Variants in TMIGD3 observed in about 807,000 individuals in gnomAD.
TMIGD3 encodes AD026 protein (AD026).
TMIGD3 carries 21 observed loss-of-function variants against 28.1 expected under a neutral mutation model. The observed-to-expected ratio is 0.75, with a 90% confidence interval of 0.53 to 1.08. The LOEUF is 1.08. Among genes scored for constraint, TMIGD3 ranks in the 50% least tolerant of loss-of-function variants. TMIGD3 has a pLI of 0.00. For missense variants in TMIGD3, 416 were observed against 435.6 expected, an observed-to-expected ratio of 0.96 and a Z score of 0.40; for synonymous variants, 151 against 162.1, an observed-to-expected ratio of 0.93 and a Z score of 0.52.
intron 1 of TMIGD3, among the ~76,000 whole-genome samples, chr1:111,557,334 G>A (rs1387593795): frequency 6.6e-6 from 1 of 152,108 alleles, no homozygotes; most frequent in Non-Finnish European, 1.5e-5. Context: ...AGATCACGAG[G>A]TGAGGAGATC....
intron 1 of TMIGD3, among the ~76,000 whole-genome samples, 167 bp downstream of exon 1, chr1:111,502,838 T>C (rs1473644661): frequency 6.6e-6 from 1 of 151,996 alleles, no homozygotes; most frequent in Non-Finnish European, 1.5e-5. Flanking sequence ...TCCCAGCCCA[T>C]TGTTGCTAAC....
chr1:111,528,184 T>C (rs1350342915), intron 1 of TMIGD3, among the ~76,000 whole-genome samples: 2 of 152,220 alleles, frequency 1.3e-5, no homozygotes, highest in African/African-American at 4.8e-5. Flanking sequence ...TTGTGAGAGA[T>C]GTAAGGTCTG....
At position 111,503,041 on chromosome 1, in the gene TMIGD3, G is replaced by A. The variant is rs767595515; in HGVS notation, c.314C>T (p.Ala105Val). The change falls in exon 1 of 6, where the codon GCT becomes GTT. Residue 105 changes from alanine (A) to valine (V), a missense_variant. Physicochemically the swap from Ala to Val is moderately conservative, Grantham distance 64. Coordinates refer to ENST00000369716, the MANE Select transcript of TMIGD3 (RefSeq NM_020683.7). ...HASIMSLLAI[A>V]VDRYLRVKLT... ...CTTGACCCGCAAGTATCGGTCCACA[G>A]CGATGGCCAGCAAGGACATGATGGA... 6.8e-6 allele frequency: 11 copies of A among 1,614,200 alleles called. No individual in the cohort carries two copies. The highest frequency in any genetic ancestry group is 9.3e-6 in the Non-Finnish European group (11 of 1,180,034).
At chr1:111,491,376 A>G (rs1042380790) in intron 1 of TMIGD3, among the ~76,000 whole-genome samples, 6 of 152,262 alleles carry the variant, frequency 3.9e-5, no homozygotes, top group Non-Finnish European at 8.8e-5. Flanking sequence ...AGATTCATCT[A>G]TGCAGCAGCA....
chr1:111,500,758 A>T (rs1158549662), intron 1 of TMIGD3: 1 of 584,162 alleles, frequency 1.7e-6, no homozygotes, highest in African/African-American at 1.9e-5. Context: ...AGATGAGCAG[A>T]CAACGATTGG....
intron 1 of TMIGD3, among the ~76,000 whole-genome samples, chr1:111,560,056 C>G (rs547998387): frequency 1.3e-5 from 2 of 152,286 alleles, no homozygotes; most frequent in East Asian, 3.9e-4. Context: ...ATTCAACACT[C>G]TTTTACTGAG....
chr1:111,561,706 G>A lies in TMIGD3; in HGVS notation c.107+2140C>T, dbSNP rs536760832. On this transcript the variant is annotated intron_variant, in intron 1 of 5. Coordinates refer to the TMIGD3 transcript ENST00000369717. ...ATTTTTCCTTCTCATTTATGGAAGT[G>A]TCTCTTAATGGAGTCTTTCTCTCAT... Among the ~76,000 whole-genome samples the A allele has an allele frequency of 2.6e-5, 4 of 152,258 alleles. No individual in the cohort carries two copies. The South Asian group carries it at 8.3e-4, about 32-fold the overall frequency.
intron 1 of TMIGD3, among the ~76,000 whole-genome samples, chr1:111,548,243 A>C (rs2800896): frequency 0.33 from 50,490 of 151,938 alleles, 9,117 homozygotes; most frequent in Admixed American, 0.46. Context: ...CTGGTCTCAA[A>C]CTCCTGGCCT....
intron 1 of TMIGD3, among the ~76,000 whole-genome samples, chr1:111,495,963 A>G (rs1183124677): frequency 6.6e-6 from 1 of 152,198 alleles, no homozygotes; most frequent in African/African-American, 2.4e-5. Flanking sequence ...ATGATAAAAC[A>G]TGGAGAAAAA....
At chr1:111,485,627 A>G in intron 5 of TMIGD3, 113 bp downstream of exon 5, 1 of 802,336 alleles carries the variant, frequency 1.2e-6, no homozygotes, top group South Asian at 1.8e-5. Context: ...ATTGGTCTCC[A>G]GGTGACCAGG....
intron 1 of TMIGD3, chr1:111,499,804 T>G: frequency 6.8e-7 from 1 of 1,479,674 alleles, no homozygotes; most frequent in South Asian, 1.4e-5. Flanking sequence ...GTGGGGGAGA[T>G]ATAATTGGGG....
intron 1 of TMIGD3, chr1:111,499,745 T>G: frequency 7.1e-7 from 1 of 1,399,604 alleles, no homozygotes; most frequent in Non-Finnish European, 9.3e-7. Context: ...AACACTGAAT[T>G]AGAGAGAAAG....
At chr1:111,519,283 A>T (rs1213272444) in intron 1 of TMIGD3, among the ~76,000 whole-genome samples, 1 of 152,144 alleles carries the variant, frequency 6.6e-6, no homozygotes, top group Non-Finnish European at 1.5e-5. Context: ...GTGTCCCCTG[A>T]GTGTGCTATG....
At chr1:111,509,702 G>A (rs1250276976) in intron 1 of TMIGD3, among the ~76,000 whole-genome samples, 2 of 152,228 alleles carry the variant, frequency 1.3e-5, no homozygotes, top group African/African-American at 2.4e-5. Flanking sequence ...GATGGCATGT[G>A]TCTTCCCCTC....
At chr1:111,499,264 A>G (rs893635788) in intron 1 of TMIGD3, among the ~76,000 whole-genome samples, 1 of 152,150 alleles carries the variant, frequency 6.6e-6, no homozygotes, top group Admixed American at 6.6e-5. Context: ...TAAAGCTGAC[A>G]AATGCTCTGA....
rs180733612 is a variant in TMIGD3, at chr1:111,488,801, T to G, written c.681A>C (p.Lys227Asn). 6.2e-7 allele frequency: 1 copy of G among 1,614,066 alleles called. No individual in the cohort carries two copies. Among genetic ancestry groups the G allele is most frequent in the African/African-American group, 1.3e-5 (1 of 74,922 alleles). The stretch of plus-strand genomic sequence containing the variant: ...CACACCAGTACCAGCCCGTGTCCTC[T>G]TTGGTCAGGCAGGACATAGTGACAA... The part of the protein sequence containing the change: ...QLIVTMSCLT[K>N]EDTGWYWCGI... Residue 227 changes from lysine to asparagine, a missense_variant, in exon 3 of 6, where the codon AAA (lysine) becomes AAC (asparagine). Physicochemically the swap from Lys to Asn is moderately conservative, Grantham distance 94 (BLOSUM62 0). Coordinates refer to ENST00000369716, the MANE Select transcript of TMIGD3 (RefSeq NM_020683.7).
At chr1:111,538,533 C>T (rs1474949346) in intron 1 of TMIGD3, among the ~76,000 whole-genome samples, 1 of 152,190 alleles carries the variant, frequency 6.6e-6, no homozygotes, top group Non-Finnish European at 1.5e-5. Flanking sequence ...GGGCATCTAC[C>T]ACTATTCATT....
At chr1:111,509,712 C>T (rs1263863683) in intron 1 of TMIGD3, among the ~76,000 whole-genome samples, 2 of 152,238 alleles carry the variant, frequency 1.3e-5, no homozygotes, top group Non-Finnish European at 2.9e-5. Flanking sequence ...GTCTTCCCCT[C>T]CTACTGCACA....
Position 111,483,683 on chromosome 1 carries a change from T to C in TMIGD3, c.*4A>G, listed in dbSNP as rs756008657. 224 of 1,610,910 alleles carry C rather than the reference T, an allele frequency of 1.4e-4. No homozygotes were observed. Among genetic ancestry groups the C allele is most frequent in the Non-Finnish European group, 1.9e-4 (219 of 1,177,246 alleles). On this transcript the variant is annotated 3_prime_UTR_variant, in exon 6 of 6. Coordinates refer to ENST00000369716, the MANE Select transcript of TMIGD3 (RefSeq NM_020683.7). ...TTTATGAACTAAATTAAAAAAATCT[T>C]CAGTCACATCTGTTCAGTAGGAGCC...
Sources: allele counts gnomAD v4.1 joint callset (sites outside exome capture counted in the v4.1 genomes callset), GRCh38; gene constraint gnomAD v4.1.1; transcripts MANE v1.5; gene names NCBI Gene and HGNC (gene_info 2026-07-23, HGNC 2026-07-21).